Variants in NPTN observed in about 807,000 individuals in gnomAD.
NPTN encodes the protein neuroplastin, also known as SDR-1.
Under a neutral mutation model 42.7 loss-of-function variants are expected in NPTN, and 5 were observed. That is an observed-to-expected ratio of 0.12 (90% confidence interval 0.06 to 0.25). NPTN has a LOEUF of 0.25. NPTN is among the 10% of genes least tolerant of loss of function. The pLI is 1.00. For synonymous variants in NPTN, 180 were observed against 201.9 expected, an observed-to-expected ratio of 0.89 and a Z score of 0.92; for missense variants, 307 against 525.4, an observed-to-expected ratio of 0.58 and a Z score of 4.06.
At chr15:73,583,625 G>C (rs1433197656) in intron 4 of NPTN, among the ~76,000 whole-genome samples, 1 of 152,182 alleles carries the variant, frequency 6.6e-6, no homozygotes. Flanking sequence ...TTTTTGGGCT[G>C]AAGTTAATGT....
chr15:73,573,729 T>C lies in NPTN; in HGVS notation c.773A>G (p.Tyr258Cys). The change falls in exon 5 of 9, where the codon TAT becomes TGT. Residue 258 changes from tyrosine to cysteine, a missense_variant. Physicochemically the swap from Tyr to Cys is radical, Grantham distance 194. Coordinates refer to ENST00000345330, the MANE Select transcript of NPTN (RefSeq NM_012428.4). ...GTGGGGGTAGCCAACTGACTTGCAATACATAGTGGCATCCTGCCCTTCATT... is the reference window on the plus strand; with the variant it reads ...GTGGGGGTAGCCAACTGACTTGCAACACATAGTGGCATCCTGCCCTTCATT... The part of the protein sequence containing the change: ...NKNEGQDATM[Y>C]CKSVGYPHPD... 2 of 1,595,948 alleles carry C rather than the reference T, an allele frequency of 1.3e-6. No homozygotes were observed. Among genetic ancestry groups the C allele is most frequent in the Non-Finnish European group, 1.7e-6 (2 of 1,172,316 alleles).
At chr15:73,566,832 T>C (rs973400589) in intron 6 of NPTN, among the ~76,000 whole-genome samples, 2 of 152,188 alleles carry the variant, frequency 1.3e-5, no homozygotes. Context: ...CACTTGTTCC[T>C]GAAAATACTG....
intron 1 of NPTN, among the ~76,000 whole-genome samples, chr15:73,631,221 G>C (rs903648492): frequency 2.0e-5 from 3 of 152,310 alleles, no homozygotes; most frequent in Admixed American, 2.0e-4. Flanking sequence ...TGTGCAAAAT[G>C]AAACTATGCT....
intron 4 of NPTN, among the ~76,000 whole-genome samples, chr15:73,575,601 C>T (rs1284079330): frequency 6.6e-6 from 1 of 152,230 alleles, no homozygotes; most frequent in Non-Finnish European, 1.5e-5. Flanking sequence ...GTCTACCTCC[C>T]AGTGTTCTTG....
intron 1 of NPTN, among the ~76,000 whole-genome samples, chr15:73,611,444 A>G (rs1334036682): frequency 2.0e-5 from 3 of 152,218 alleles, no homozygotes; most frequent in African/African-American, 4.8e-5. Flanking sequence ...AGCCATGAAA[A>G]GCCAAGGAGA....
chr15:73,566,717 G>A (rs1183025496), intron 6 of NPTN, among the ~76,000 whole-genome samples: 1 of 152,206 alleles, frequency 6.6e-6, no homozygotes. Context: ...GAGGCTGCTA[G>A]CTTGACCTGG....
In NPTN at chr15:73,585,419, A is replaced by C. The variant is rs140665824; in HGVS notation, c.706+2105T>G. Among the ~76,000 whole-genome samples the C allele has an allele frequency of 5.6e-3, 856 of 152,378 alleles. 6 individuals are homozygous for C. Among genetic ancestry groups the C allele is most frequent in the African/African-American group, 0.02 (816 of 41,594 alleles). On this transcript the variant is annotated intron_variant, in intron 4 of 8. Coordinates refer to ENST00000345330, the MANE Select transcript of NPTN (RefSeq NM_012428.4). ...ATGTTTTGGGAACATACACACATGTACTACTCTAAATGCAAGGCAGTTTTT... is the reference window on the plus strand; with the variant it reads ...ATGTTTTGGGAACATACACACATGTCCTACTCTAAATGCAAGGCAGTTTTT...
Position 73,569,524 on chromosome 15 carries a change from G to A in NPTN, c.1114+626C>T, listed in dbSNP as rs1895245376. ...TTACACTAGATGGGTGGATACATCA[G>A]ACTCTCCTTTGTCTGTGAGACACAG... is the stretch of plus-strand genomic sequence containing the variant. On this transcript the variant is annotated intron_variant, in intron 6 of 8. Transcript: ENST00000345330. The surrounding 1 kb of genome is among the most constrained non-coding windows in gnomAD (Gnocchi z 4.1). The A allele has an allele frequency of 7.1e-6, 7 of 985,406 alleles. No individual in the cohort carries two copies. Among genetic ancestry groups the A allele is most frequent in the Non-Finnish European group, 8.4e-6 (7 of 829,922 alleles). 61.0% of individuals were successfully genotyped at this position (985,406 alleles called of 1,614,324 possible).
intron 1 of NPTN, among the ~76,000 whole-genome samples, chr15:73,603,439 C>A (rs955768270): frequency 6.6e-6 from 1 of 152,112 alleles, no homozygotes; most frequent in Non-Finnish European, 1.5e-5. Flanking sequence ...AGAACCAGAA[C>A]GGAAATGTTA....
Position 73,569,513 on chromosome 15 carries a change from T to C in NPTN, c.1114+637A>G, listed in dbSNP as rs988404438. On this transcript the variant is annotated intron_variant, in intron 6 of 8. Coordinates refer to ENST00000345330, the MANE Select transcript of NPTN (RefSeq NM_012428.4). The surrounding 1 kb of genome is among the most constrained non-coding windows in gnomAD (Gnocchi z 4.1). ...CTATCTCTGTCTTACACTAGATGGG[T>C]GGATACATCAGACTCTCCTTTGTCT... 1.0e-6 allele frequency: 1 copy of C among 985,204 alleles called. No individual in the cohort carries two copies. The highest frequency in any genetic ancestry group is 1.1e-4 in the East Asian group (1 of 8,808). 61.0% of individuals were successfully genotyped at this position (985,204 alleles called of 1,614,324 possible).
chr15:73,623,299 C>G (rs1328460097), intron 1 of NPTN, among the ~76,000 whole-genome samples: 1 of 152,182 alleles, frequency 6.6e-6, no homozygotes, highest in Non-Finnish European at 1.5e-5. Flanking sequence ...GTCCTAAAAG[C>G]TACCTTAATG....
intron 1 of NPTN, among the ~76,000 whole-genome samples, chr15:73,620,867 A>G (rs1199460048): frequency 1.3e-5 from 2 of 152,200 alleles, no homozygotes; most frequent in African/African-American, 4.8e-5. Context: ...TTTCTAATAT[A>G]AACAATGGGC....
intron 2 of NPTN, among the ~76,000 whole-genome samples, chr15:73,595,533 G>T (rs976718725): frequency 6.6e-6 from 1 of 151,996 alleles, no homozygotes; most frequent in Non-Finnish European, 1.5e-5. Context: ...ACACTAATTT[G>T]CTATTTTCCA....
chr15:73,633,097 C>A (rs1898852337), intron 1 of NPTN, 28 bp downstream of exon 1: 1 of 1,409,522 alleles, frequency 7.1e-7, no homozygotes, highest in Admixed American at 3.7e-5. Flanking sequence ...TCAACCCCCG[C>A]CCGGCCCGCC....
At chr15:73,561,993 CAT>C (rs751973646) in intron 7 of NPTN, 23 bp from the exon 8 acceptor site, 3 of 1,566,334 alleles carry the variant, frequency 1.9e-6, no homozygotes, top group Non-Finnish European at 2.6e-6. Flanking sequence ...AATTGCATTA[CAT>C]GAGTTAAACT....
chr15:73,630,058 A>G (rs937727469), intron 1 of NPTN, among the ~76,000 whole-genome samples: 1 of 152,212 alleles, frequency 6.6e-6, no homozygotes, highest in African/African-American at 2.4e-5. Flanking sequence ...CACATGAAGA[A>G]AAATAAATAA....
At chr15:73,623,644 G>A (rs771879569) in intron 1 of NPTN, among the ~76,000 whole-genome samples, 8 of 152,124 alleles carry the variant, frequency 5.3e-5, no homozygotes, top group Admixed American at 3.3e-4. Context: ...TAATGATCAC[G>A]CCACTGCATT....
At chr15:73,589,211 T>TC (rs1456498323) in intron 3 of NPTN, among the ~76,000 whole-genome samples, 5 of 152,068 alleles carry the variant, frequency 3.3e-5, no homozygotes, top group African/African-American at 1.2e-4. Flanking sequence ...GCACGTATAG[T>TC]CCTAGCTACT....
At chr15:73,625,539 G>A (rs1391805482) in intron 1 of NPTN, among the ~76,000 whole-genome samples, 1 of 152,084 alleles carries the variant, frequency 6.6e-6, no homozygotes, top group Non-Finnish European at 1.5e-5. Context: ...CACCGTGTTA[G>A]CCAGGATGGT....
Sources: allele counts gnomAD v4.1 joint callset (sites outside exome capture counted in the v4.1 genomes callset), GRCh38; gene constraint gnomAD v4.1.1; non-coding constraint Gnocchi (gnomAD v3.1); transcripts MANE v1.5; gene names NCBI Gene and HGNC (gene_info 2026-07-23, HGNC 2026-07-21).